LIMD1: variants seen among roughly 807,000 people sequenced by gnomAD.
The protein encoded by LIMD1 is LIM domain containing 1.
LIMD1 carries 23 observed loss-of-function variants against 58.4 expected under a neutral mutation model. The ratio of observed to expected loss-of-function variants is 0.39; its 90% CI spans 0.28 to 0.56. The LOEUF (loss-of-function observed/expected upper bound fraction) is 0.56, where lower values mean the gene tolerates loss of function less well. Among genes scored for constraint, LIMD1 ranks in the 20% least tolerant of loss-of-function variants. The pLI is 0.57. For missense variants in LIMD1, 838 were observed against 855.5 expected (o/e 0.98, Z 0.25); for synonymous variants, 334 against 345.5 (o/e 0.97, Z 0.37).
At position 45,653,715 on chromosome 3, in the gene LIMD1, A is replaced by G. The variant is rs184669528; in HGVS notation, c.1511-11935A>G. On this transcript the variant is annotated intron_variant, in intron 2 of 7. Transcript: ENST00000273317. ...ACCTGAGGTCAGGAATTCAAGACCA[A>G]CCTGGCCAACATGGTGAAACCCCAT... Among the ~76,000 whole-genome samples, 128 of 152,072 alleles carry G rather than the reference A, an allele frequency of 8.4e-4. No homozygotes were observed. In the Middle Eastern group the frequency reaches 0.01, roughly 12 times the overall value.
chr3:45,650,105 T>A (rs960965375), intron 2 of LIMD1, among the ~76,000 whole-genome samples: 9 of 152,004 alleles, frequency 5.9e-5, no homozygotes, highest in African/African-American at 2.2e-4. Context: ...CCCCATCCAC[T>A]AGGGACTCCA....
intron 7 of LIMD1, among the ~76,000 whole-genome samples, chr3:45,676,498 C>G (rs900313318): frequency 1.3e-5 from 2 of 152,180 alleles, no homozygotes; most frequent in African/African-American, 4.8e-5. Context: ...GTTCCCCTCC[C>G]TGTGTCCATG....
At chr3:45,607,913 T>A (rs1212188616) in intron 1 of LIMD1, among the ~76,000 whole-genome samples, 1 of 152,228 alleles carries the variant, frequency 6.6e-6, no homozygotes, top group Admixed American at 6.5e-5. Flanking sequence ...CCACGTTTGC[T>A]CGCGTGATGG....
At chr3:45,642,955 C>A (rs369207777) in intron 2 of LIMD1, among the ~76,000 whole-genome samples, 2 of 152,326 alleles carry the variant, frequency 1.3e-5, no homozygotes, top group African/African-American at 4.8e-5. Context: ...CCACCCCAGG[C>A]GGCCATGCCC....
intron 1 of LIMD1, among the ~76,000 whole-genome samples, chr3:45,598,250 G>A (rs1036671316): frequency 6.6e-6 from 1 of 152,126 alleles, no homozygotes; most frequent in East Asian, 1.9e-4. Flanking sequence ...CACTGTGCCC[G>A]GCCTACTGGT....
chr3:45,671,308 TC>T (rs1697582946), intron 4 of LIMD1, among the ~76,000 whole-genome samples: 1 of 152,192 alleles, frequency 6.6e-6, no homozygotes, highest in Admixed American at 6.5e-5. Flanking sequence ...GCCTGAGGCT[TC>T]CAGGGGAAGG....
intron 2 of LIMD1, among the ~76,000 whole-genome samples, chr3:45,643,062 G>A (rs1701863427): frequency 6.6e-6 from 1 of 152,204 alleles, no homozygotes; most frequent in African/African-American, 2.4e-5. Context: ...GTTGACAGCT[G>A]TGTCTACTTA....
At position 45,678,794 on chromosome 3, in the gene LIMD1, T is replaced by C. The variant is rs200509508; in HGVS notation, c.*1735T>C. 27 of 152,344 alleles carry C rather than the reference T, an allele frequency of 1.8e-4. No homozygotes were observed. Among genetic ancestry groups the C allele is most frequent in the African/African-American group, 5.5e-4 (23 of 41,564 alleles). 9.4% of individuals were successfully genotyped at this position (152,344 alleles called of 1,614,324 possible). On this transcript the variant is annotated 3_prime_UTR_variant, in exon 8 of 8. Coordinates refer to ENST00000273317, the MANE Select transcript of LIMD1 (RefSeq NM_014240.3). Reference sequence around the variant, plus strand: ...CATGTTTTGACTCATTTGGTAACCATTGCCTGTAAGCAGCACAGAATTGGT... The same window carrying C: ...CATGTTTTGACTCATTTGGTAACCACTGCCTGTAAGCAGCACAGAATTGGT...
chr3:45,633,699 A>G (rs1240678417), intron 1 of LIMD1, among the ~76,000 whole-genome samples: 3 of 152,200 alleles, frequency 2.0e-5, no homozygotes, highest in African/African-American at 7.2e-5. Flanking sequence ...CTATAAATGA[A>G]TTTCTCCAAT....
At position 45,682,597 on chromosome 3, in the gene LIMD1, C is replaced by T. The variant is rs1697758444; in HGVS notation, c.*5538C>T. Reference sequence around the variant, plus strand: ...CACATAGCAGATGTTATTCCAAGGACTGTATGTTCTTTATCATCCCTCATT... The same window carrying T: ...CACATAGCAGATGTTATTCCAAGGATTGTATGTTCTTTATCATCCCTCATT... On this transcript the variant is annotated 3_prime_UTR_variant, in exon 8 of 8. Transcript: ENST00000273317. The T allele has an allele frequency of 6.6e-6, 1 of 152,238 alleles. No homozygotes were observed. The highest frequency in any genetic ancestry group is 2.1e-4 in the South Asian group (1 of 4,834). 9.4% of individuals were successfully genotyped at this position (152,238 alleles called of 1,614,324 possible).
At chr3:45,663,868 A>AT (rs553757543) in intron 2 of LIMD1, among the ~76,000 whole-genome samples, 1,376 of 102,818 alleles carry the variant, frequency 0.013, 72 homozygotes, top group South Asian at 0.021. Context: ...TGCCTGGCTA[A>AT]TTTTTTTTTT....
At chr3:45,639,826 C>G (rs1575355387) in intron 2 of LIMD1, among the ~76,000 whole-genome samples, 1 of 152,186 alleles carries the variant, frequency 6.6e-6, no homozygotes, top group East Asian at 1.9e-4. Flanking sequence ...CCAAACCTGG[C>G]TAATTTTTGT....
chr3:45,661,945 A>G (rs1490504479), intron 2 of LIMD1, among the ~76,000 whole-genome samples: 6 of 152,086 alleles, frequency 3.9e-5, no homozygotes, highest in Non-Finnish European at 8.8e-5. Context: ...ATTTGTAGAG[A>G]TGGGATCTTG....
At chr3:45,645,633 C>T (rs557246123) in intron 2 of LIMD1, among the ~76,000 whole-genome samples, 78 of 152,266 alleles carry the variant, frequency 5.1e-4, no homozygotes, top group African/African-American at 1.8e-3. Flanking sequence ...GATGTTGCAC[C>T]GCAGTGCCTC....
At chr3:45,604,645 C>T (rs929704288) in intron 1 of LIMD1, among the ~76,000 whole-genome samples, 4 of 152,132 alleles carry the variant, frequency 2.6e-5, no homozygotes, top group Non-Finnish European at 4.4e-5. Context: ...TTTCTCTGAG[C>T]CTGTTGAGGT....
chr3:45,624,029 T>C (rs1701648807), intron 1 of LIMD1, among the ~76,000 whole-genome samples: 1 of 152,250 alleles, frequency 6.6e-6, no homozygotes, highest in Non-Finnish European at 1.5e-5. Flanking sequence ...GGTCTAGCTC[T>C]GTCCCAAGGA....
chr3:45,608,962 A>G (rs1407140843), intron 1 of LIMD1, among the ~76,000 whole-genome samples: 4 of 152,198 alleles, frequency 2.6e-5, no homozygotes, highest in African/African-American at 7.2e-5. Context: ...ATATTTGTTG[A>G]ATGAATGAAT....
chr3:45,656,909 G>T (rs978571252), intron 2 of LIMD1, among the ~76,000 whole-genome samples: 4 of 152,176 alleles, frequency 2.6e-5, no homozygotes, highest in African/African-American at 9.7e-5. Flanking sequence ...CTGGCTTGGG[G>T]TAAATTGTGC....
In LIMD1 at chr3:45,674,431, G is replaced by A. The variant is rs1487951706; in HGVS notation, c.1893+20G>A. 2 of 1,103,360 alleles carry A rather than the reference G, an allele frequency of 1.8e-6. No individual in the cohort carries two copies. Among genetic ancestry groups the A allele is most frequent in the Non-Finnish European group, 1.3e-6 (1 of 775,024 alleles). The allele number at this position is 1,103,360 out of a possible 1,614,324, so 68.3% of individuals were successfully genotyped here. On this transcript the variant is annotated intron_variant, in intron 7 of 7. Transcript: ENST00000273317. ...TGCGAGGTAGACCCCTCCCCACCCA[G>A]CCCCCAAAGCCCATTGTAGACATCC...
Sources: allele counts gnomAD v4.1 joint callset (sites outside exome capture counted in the v4.1 genomes callset), GRCh38; gene constraint gnomAD v4.1.1; transcripts MANE v1.5; gene names NCBI Gene and HGNC (gene_info 2026-07-23, HGNC 2026-07-21).